EHMT1: variants seen among roughly 807,000 people sequenced by gnomAD.
The protein encoded by EHMT1 is euchromatic histone lysine methyltransferase 1, also known as histone-lysine N-methyltransferase EHMT1.
Under a neutral mutation model 147.2 loss-of-function variants are expected in EHMT1, and 15 were observed. That is an observed-to-expected ratio of 0.10 (90% CI 0.07 to 0.16). EHMT1 has a LOEUF of 0.16. Ranked by LOEUF, EHMT1 falls within the 10% of genes least tolerant of loss-of-function variation. The pLI is 1.00. For missense variants in EHMT1, 1,587 were observed against 1,772.4 expected, an observed-to-expected ratio of 0.90 and a Z score of 1.88; for synonymous variants, 795 against 709.6, an observed-to-expected ratio of 1.12 and a Z score of -1.91.
At position 137,717,052 on chromosome 9, in the gene EHMT1, C is replaced by G. The variant is rs374127714; in HGVS notation, c.512C>G (p.Thr171Arg). 3.7e-6 allele frequency: 6 copies of G among 1,606,934 alleles called. No homozygotes were observed. Among genetic ancestry groups the G allele is most frequent in the South Asian group, 2.2e-5 (2 of 90,896 alleles). The change falls in exon 3 of 27, where the codon ACG becomes AGG. Residue 171 changes from threonine to arginine, a missense_variant. Physicochemically the swap from Thr to Arg is moderately conservative, Grantham distance 71. Coordinates refer to ENST00000460843, the MANE Select transcript of EHMT1 (RefSeq NM_024757.5). ...KGRTPSAFPQ[T>R]PAAPPATLGE... Reference sequence around the variant, plus strand: ...AGGACTCCAAGCGCTTTTCCCCAGACGCCAGCCGCCCCACCAGCCACCCTT... The same window carrying G: ...AGGACTCCAAGCGCTTTTCCCCAGAGGCCAGCCGCCCCACCAGCCACCCTT...
intron 16 of EHMT1, among the ~76,000 whole-genome samples, chr9:137,793,491 AGAT>A (rs1952677825): frequency 6.6e-6 from 1 of 152,264 alleles, no homozygotes; most frequent in Admixed American, 6.5e-5. Context: ...GTGGTTCCTC[AGAT>A]CGCTAAGCAT....
chr9:137,713,430 C>G (rs1019038437), intron 2 of EHMT1, among the ~76,000 whole-genome samples: 1 of 151,498 alleles, frequency 6.6e-6, no homozygotes, highest in African/African-American at 2.4e-5. Flanking sequence ...CCACCATGCC[C>G]GGCTAATTTT....
At chr9:137,674,300 G>T (rs1338137271) in intron 1 of EHMT1, among the ~76,000 whole-genome samples, 1 of 152,220 alleles carries the variant, frequency 6.6e-6, no homozygotes, top group Non-Finnish European at 1.5e-5. Flanking sequence ...CCAAATTCCA[G>T]GTGCCGAAAG....
chr9:137,797,349 C>T (rs777555093), intron 16 of EHMT1, among the ~76,000 whole-genome samples: 2 of 152,146 alleles, frequency 1.3e-5, no homozygotes, highest in Non-Finnish European at 1.5e-5. Flanking sequence ...ACCACTCTGC[C>T]GCTCCCAGCC....
In EHMT1 at chr9:137,778,321, G is replaced by C. The variant is rs186146931; in HGVS notation, c.2192+266G>C. Among the ~76,000 whole-genome samples, 8 of 152,346 alleles carry C rather than the reference G, an allele frequency of 5.3e-5. No homozygotes were observed. The East Asian group carries it at 9.7e-4, about 18-fold the overall frequency. On this transcript the variant is annotated intron_variant, in intron 13 of 26. Coordinates refer to ENST00000460843, the MANE Select transcript of EHMT1 (RefSeq NM_024757.5). The stretch of plus-strand genomic sequence containing the variant: ...CTTTGACAAACATTTCCTGGTTGCT[G>C]TTGGCCCTGAGCTGCCCTTAGGTCA...
chr9:137,688,478 C>T lies in EHMT1; in HGVS notation c.22-22489C>T, dbSNP rs563945645. 1.1e-4 allele frequency among the ~76,000 whole-genome samples: 17 copies of T among 152,360 alleles called. No homozygotes were observed. In the East Asian group the frequency reaches 3.3e-3, roughly 29 times the overall value. On this transcript the variant is annotated intron_variant, in intron 1 of 26. Coordinates refer to ENST00000460843, the MANE Select transcript of EHMT1 (RefSeq NM_024757.5). ...GGCTGCCAGCGCTGCACCCCTCCTC[C>T]TCAGAGCACATGGAGGGCCACACTG...
In EHMT1 at chr9:137,835,048, T is replaced by A. The variant is rs1201113148; in HGVS notation, c.*95T>A. ...GAGATTCCGCACGCAACCGAAAGGG[T>A]CCTTCGGGGCTGCGCCGCCGGCTTC... On this transcript the variant is annotated 3_prime_UTR_variant, in exon 27 of 27. Coordinates refer to ENST00000460843, the MANE Select transcript of EHMT1 (RefSeq NM_024757.5). 7.7e-7 allele frequency: 1 copy of A among 1,300,444 alleles called. No individual in the cohort carries two copies. Among genetic ancestry groups the A allele is most frequent in the African/African-American group, 1.6e-5 (1 of 63,086 alleles). The allele number at this position is 1,300,444 out of a possible 1,614,324, so 80.6% of individuals were successfully genotyped here.
intron 24 of EHMT1, 111 bp from the exon 25 acceptor site, chr9:137,817,949 T>G: frequency 9.6e-7 from 1 of 1,037,260 alleles, no homozygotes; most frequent in East Asian, 2.4e-5. Context: ...TCCCTGCATG[T>G]TCTTCTGGTG....
intron 3 of EHMT1, among the ~76,000 whole-genome samples, chr9:137,726,243 C>T (rs61304854): frequency 6.6e-6 from 1 of 152,384 alleles, no homozygotes; most frequent in East Asian, 1.9e-4. Context: ...TCTTCCCACA[C>T]TGAAGCTCTG....
At chr9:137,681,218 G>C (rs1941910518) in intron 1 of EHMT1, among the ~76,000 whole-genome samples, 1 of 152,194 alleles carries the variant, frequency 6.6e-6, no homozygotes, top group South Asian at 2.1e-4. Context: ...TCCCCGGGGA[G>C]CTGTCCTGCT....
chr9:137,668,553 G>C (rs1003668385), intron 1 of EHMT1, among the ~76,000 whole-genome samples: 9 of 152,134 alleles, frequency 5.9e-5, no homozygotes, highest in African/African-American at 2.2e-4. Flanking sequence ...CAGAGCACCA[G>C]AAATCCAGAA....
intron 16 of EHMT1, among the ~76,000 whole-genome samples, chr9:137,796,907 G>A (rs1953008082): frequency 6.6e-6 from 1 of 152,056 alleles, no homozygotes; most frequent in African/African-American, 2.4e-5. Flanking sequence ...CAGCAGGCAG[G>A]GTCCTTACTG....
intron 26 of EHMT1, 75 bp from the exon 27 acceptor site, chr9:137,834,698 T>C (rs1956480153): frequency 1.2e-6 from 2 of 1,610,060 alleles, no homozygotes; most frequent in East Asian, 2.2e-5. Context: ...AGCTTTGGCC[T>C]TGCCTTAATT....
rs745374795 is a variant in EHMT1 at position 137,817,486 on chromosome 9, G to A, written c.3422G>A (p.Arg1141Gln). 35 of 1,614,078 alleles carry A rather than the reference G, an allele frequency of 2.2e-5. No individual in the cohort carries two copies. Among genetic ancestry groups the A allele is most frequent in the East Asian group, 2.0e-4 (9 of 44,902 alleles). The change falls in exon 24 of 27, where the codon CGG becomes CAG. Residue 1141 changes from arginine to glutamine, a missense_variant. Transcript: ENST00000460843. ...ACGCGGGACATGGGCTGGGGCGTGC[G>A]GTCCCTGCAGGACATCCCACCAGGC... ...YRTRDMGWGV[R>Q]SLQDIPPGTF...
intron 2 of EHMT1, among the ~76,000 whole-genome samples, chr9:137,711,335 C>T (rs1944695908): frequency 1.3e-5 from 2 of 152,284 alleles, no homozygotes; most frequent in Non-Finnish European, 1.5e-5. Flanking sequence ...AGCATTGTCA[C>T]GTCGCCGAAA....
intron 3 of EHMT1, among the ~76,000 whole-genome samples, chr9:137,722,752 C>T (rs1445029341): frequency 2.0e-5 from 3 of 150,396 alleles, no homozygotes; most frequent in African/African-American, 7.4e-5. Flanking sequence ...CGGTAGGGTG[C>T]CTGCCCTGCA....
chr9:137,620,200 G>C (rs1842869356), intron 1 of EHMT1: 1 of 152,074 alleles, frequency 6.6e-6, no homozygotes, highest in African/African-American at 2.4e-5. Context: ...CAGCATTCAA[G>C]GAATTAATAT....
chr9:137,690,963 C>T (rs1942880088), intron 1 of EHMT1, among the ~76,000 whole-genome samples: 1 of 152,168 alleles, frequency 6.6e-6, no homozygotes, highest in South Asian at 2.1e-4. Flanking sequence ...TAAAATTCAC[C>T]ATCTTAACCA....
chr9:137,679,818 C>G (rs560916483), intron 1 of EHMT1, among the ~76,000 whole-genome samples: 39 of 152,122 alleles, frequency 2.6e-4, no homozygotes, highest in African/African-American at 8.4e-4. Flanking sequence ...AAAGCTTTTC[C>G]TTTGTGATTT....
Sources: gnomAD v4.1 joint callset for allele counts (sites outside exome capture counted in the v4.1 genomes callset) on GRCh38, gnomAD v4.1.1 for gene constraint, MANE v1.5 for transcripts, NCBI Gene and HGNC (gene_info 2026-07-23, HGNC 2026-07-21) for gene names.